The following RFX1 variants were observed in gnomAD, a reference collection of about 807,000 sequenced individuals.
The protein encoded by RFX1 is regulatory factor X1.
Under a neutral mutation model 119.6 loss-of-function variants are expected in RFX1, and 42 were observed. The observed-to-expected ratio is 0.35, with a 90% CI of 0.27 to 0.45. The LOEUF is 0.45. Among genes scored for constraint, RFX1 ranks in the 20% least tolerant of loss-of-function variants. The pLI is 1.00. For missense variants in RFX1, 1,118 were observed against 1,368.1 expected (o/e 0.82, Z 2.88); for synonymous variants, 628 against 618.5 (o/e 1.02, Z -0.23).
At chr19:13,977,870 A>G (rs1974297045) in intron 8 of RFX1, 122 bp downstream of exon 8, 4 of 716,012 alleles carry the variant, frequency 5.6e-6, no homozygotes, top group Non-Finnish European at 9.3e-6. Context: ...TGTGTCTGTC[A>G]CCTGAGGCCT....
rs1689358895 is a variant in RFX1, at chr19:13,990,304, G to C, written c.319+3221C>G. On this transcript the variant is annotated intron_variant, in intron 2 of 20. Coordinates refer to ENST00000254325, the MANE Select transcript of RFX1 (RefSeq NM_002918.5). This position sits in a 1 kb window ranked among gnomAD's most constrained non-coding sequence, Gnocchi z 4.1. ...GTGGGCGGAGACCAGGGCAGTGTGG[G>C]CTCCTGGAGGCCTCACAAGAGGGGA... Among the ~76,000 whole-genome samples the C allele has an allele frequency of 1.3e-5, 2 of 152,116 alleles. No individual in the cohort carries two copies. The highest frequency in any genetic ancestry group is 2.9e-5 in the Non-Finnish European group (2 of 68,026).
rs111430738 is a variant in RFX1, at chr19:14,000,169, G to A, written c.-53+5934C>T. Among the ~76,000 whole-genome samples the A allele has an allele frequency of 5.4e-3, 828 of 152,164 alleles. 8 individuals carry two copies. Among genetic ancestry groups the A allele is most frequent in the African/African-American group, 0.019 (776 of 41,520 alleles). ...TCCTCTATATCCAATTCATTTAGAA[G>A]ATTTGTCAATTACTCCTCCAAAATA... On this transcript the variant is annotated intron_variant, in intron 1 of 20. Coordinates refer to ENST00000254325, the MANE Select transcript of RFX1 (RefSeq NM_002918.5).
At chr19:13,976,470 C>T (rs939675434) in intron 8 of RFX1, among the ~76,000 whole-genome samples, 2 of 152,144 alleles carry the variant, frequency 1.3e-5, no homozygotes, top group African/African-American at 2.4e-5. Flanking sequence ...GGGGCCAGGA[C>T]GTGGCCCCTG....
intron 2 of RFX1, among the ~76,000 whole-genome samples, chr19:13,993,076 T>C (rs989368450): frequency 4.6e-5 from 7 of 151,982 alleles, no homozygotes; most frequent in African/African-American, 1.5e-4. Context: ...GGAGGATCAT[T>C]TGAGGCCAGG....
intron 8 of RFX1, among the ~76,000 whole-genome samples, chr19:13,974,352 A>G (rs1159149394): frequency 6.6e-6 from 1 of 152,176 alleles, no homozygotes; most frequent in Non-Finnish European, 1.5e-5. Context: ...TCCTTCAGAT[A>G]TCGCGTGACG....
At position 13,986,172 on chromosome 19, in the gene RFX1, G is replaced by T. The variant is rs1974587592; in HGVS notation, c.320-2577C>A. Among the ~76,000 whole-genome samples the T allele has an allele frequency of 6.6e-6, 1 of 152,228 alleles. No homozygotes were observed. Among genetic ancestry groups the T allele is most frequent in the Admixed American group, 6.5e-5 (1 of 15,284 alleles). On this transcript the variant is annotated intron_variant, in intron 2 of 20. Transcript: ENST00000254325. The surrounding 1 kb of genome is among the most constrained non-coding windows in gnomAD (Gnocchi z 4.2). ...TGGGTCCGTGGGGTCCAAGGACTCA[G>T]GCCCAGCCTAAGGGATGGTGTCTCA...
chr19:13,970,985 A>G (rs113297390), intron 9 of RFX1, among the ~76,000 whole-genome samples: 2,049 of 151,332 alleles, frequency 0.014, 42 homozygotes, highest in African/African-American at 0.048. Context: ...TGTGCGACAG[A>G]GCAAGATTCC....
At chr19:13,996,250 G>C (rs117559212) in intron 1 of RFX1, among the ~76,000 whole-genome samples, 4,266 of 152,310 alleles carry the variant, frequency 0.028, 91 homozygotes, top group Middle Eastern at 0.051. Flanking sequence ...GTGGTTAAGA[G>C]GAAAGGCTCC....
chr19:13,982,295 T>C (rs1237152734), intron 4 of RFX1, 67 bp from the exon 5 acceptor site: 1 of 875,544 alleles, frequency 1.1e-6, no homozygotes, highest in Non-Finnish European at 1.6e-6. Flanking sequence ...ACCGAGCATC[T>C]GCGCAGTGCC....
At position 13,980,164 on chromosome 19, in the gene RFX1, G is replaced by A. The variant is rs59147765; in HGVS notation, c.738+409C>T. 0.028 allele frequency among the ~76,000 whole-genome samples: 4,231 copies of A among 152,232 alleles called. 203 individuals are homozygous for A. The highest frequency in any genetic ancestry group is 0.092 in the African/African-American group (3,821 of 41,514). ...GCGCAGCCCCAGCATCTTAACCTGC[G>A]CCGGCTCAGGGCTCTGCCTCCTGCA... is the stretch of plus-strand genomic sequence containing the variant. On this transcript the variant is annotated intron_variant, in intron 6 of 20. Transcript: ENST00000254325. This position sits in a 1 kb window ranked among gnomAD's most constrained non-coding sequence, Gnocchi z 5.1.
intron 20 of RFX1, 25 bp downstream of exon 20, chr19:13,962,969 C>T: frequency 6.5e-7 from 1 of 1,549,632 alleles, no homozygotes; most frequent in East Asian, 2.4e-5. Context: ...GACCCGCGCC[C>T]TGGGTGGGAA....
Position 13,963,912 on chromosome 19 carries a change from T to C in RFX1, c.2307A>G (p.Ala769=), listed in dbSNP as rs1228664202. Residue 769 remains alanine, a synonymous_variant, in exon 17 of 21, where the codon GCA becomes GCG. Transcript: ENST00000254325. ...GGTCGCTCAGCATCTGGTTGATCTG[T>C]GCGGTGTTCTGCAGCACAGCGCGCG... The part of the protein sequence containing the change: ...QAARAVLQNT[A]QINQMLSDLN... 3.9e-6 allele frequency: 6 copies of C among 1,550,054 alleles called. No individual in the cohort carries two copies. The highest frequency in any genetic ancestry group is 5.2e-6 in the Non-Finnish European group (6 of 1,148,674).
chr19:13,972,651 C>A (rs1209000350), intron 9 of RFX1, 92 bp downstream of exon 9: 2 of 934,704 alleles, frequency 2.1e-6, no homozygotes, highest in Non-Finnish European at 1.6e-6. Flanking sequence ...CTCCTGCTAG[C>A]GGTGGTTGGT....
In RFX1 at chr19:13,962,774, G is replaced by A; in HGVS notation, c.2861C>T (p.Pro954Leu). The A allele has an allele frequency of 6.5e-7, 1 of 1,530,666 alleles. No individual in the cohort carries two copies. The highest frequency in any genetic ancestry group is 8.7e-7 in the Non-Finnish European group (1 of 1,143,686). The allele number at this position is 1,530,666 out of a possible 1,614,324, so 94.8% of individuals were successfully genotyped here. Residue 954 changes from proline (P) to leucine (L), a missense_variant, in exon 21 of 21, where the codon CCG becomes CTG. Around this residue, in one of 5 missense-constraint regions of RFX1, gnomAD observed 138 missense variants for 117.8 expected, o/e 1.17. Transcript: ENST00000254325. ...CTTGGCCGGCGGCTCCAGGGTCTCC[G>A]GGCCCAGCGCGGGTGACTCGCCGCC... ...AAGGESPALG[P>L]ETLEPPAKLA...
At position 13,962,440 on chromosome 19, in the gene RFX1, A is replaced by T; in HGVS notation, c.*255T>A. The T allele has an allele frequency of 2.0e-6, 1 of 490,212 alleles. No homozygotes were observed. The highest frequency in any genetic ancestry group is 3.6e-6 in the Non-Finnish European group (1 of 277,472). 30.4% of individuals were successfully genotyped at this position (490,212 alleles called of 1,614,324 possible). A position where few individuals can be genotyped will look rare whatever the true frequency, so the allele number is the denominator to read the frequency against. Reference sequence around the variant, plus strand: ...GGGGGCGGCCAAGGGGCCGAGCTGGATGCCCCGCGGGGCACCTGGGCACGC... The same window carrying T: ...GGGGGCGGCCAAGGGGCCGAGCTGGTTGCCCCGCGGGGCACCTGGGCACGC... On this transcript the variant is annotated 3_prime_UTR_variant, in exon 21 of 21. Transcript: ENST00000254325.
rs1355321123 is a variant in RFX1 at position 13,990,668 on chromosome 19, T to G, written c.319+2857A>C. Among the ~76,000 whole-genome samples the G allele has an allele frequency of 6.6e-6, 1 of 152,088 alleles. No homozygotes were observed. Among genetic ancestry groups the G allele is most frequent in the Non-Finnish European group, 1.5e-5 (1 of 68,008 alleles). On this transcript the variant is annotated intron_variant, in intron 2 of 20. Transcript: ENST00000254325. This position sits in a 1 kb window ranked among gnomAD's most constrained non-coding sequence, Gnocchi z 4.1. ...CCGTCTCTACTAAAAATACAAAAAA[T>G]TAGCCAGGCATGGTGGCGGGCACCT... is the stretch of plus-strand genomic sequence containing the variant.
At chr19:13,993,128 T>C (rs1314462840) in intron 2 of RFX1, among the ~76,000 whole-genome samples, 5 of 151,938 alleles carry the variant, frequency 3.3e-5, no homozygotes, top group Non-Finnish European at 7.4e-5. Flanking sequence ...ATCCCATAGC[T>C]ACAAAAAATT....
intron 12 of RFX1, among the ~76,000 whole-genome samples, chr19:13,967,555 C>G (rs1374257421): frequency 1.3e-5 from 2 of 151,968 alleles, no homozygotes; most frequent in Non-Finnish European, 2.9e-5. Flanking sequence ...TGACTCACTG[C>G]AACCTCCGCC....
intron 1 of RFX1, among the ~76,000 whole-genome samples, chr19:13,997,934 G>A (rs1361533445): frequency 2.6e-5 from 4 of 152,030 alleles, no homozygotes; most frequent in African/African-American, 4.8e-5. Flanking sequence ...TCCAGCCCCT[G>A]CCCTCCCCAA....
Sources: allele counts gnomAD v4.1 joint callset (sites outside exome capture counted in the v4.1 genomes callset), GRCh38; gene constraint gnomAD v4.1.1; regional missense constraint gnomAD v4.1.1; non-coding constraint Gnocchi (gnomAD v3.1); transcripts MANE v1.5; gene names NCBI Gene and HGNC (gene_info 2026-07-23, HGNC 2026-07-21).